Variants in PPARGC1A observed in about 807,000 individuals in gnomAD.
The protein encoded by PPARGC1A is peroxisome proliferator-activated receptor gamma coactivator 1-alpha.
PPARGC1A carries 25 observed loss-of-function variants against 88.7 expected under a neutral mutation model. That is an observed-to-expected ratio of 0.28 (90% confidence interval 0.21 to 0.39). The LOEUF is 0.39. Ranked by LOEUF, PPARGC1A falls within the 10% of genes least tolerant of loss-of-function variation. The pLI is 1.00. For missense variants in PPARGC1A, 880 were observed against 968.7 expected (o/e 0.91, Z 1.22); for synonymous variants, 363 against 355.6 (o/e 1.02, Z -0.24).
At chr4:23,866,680 T>G (rs949082139) in intron 2 of PPARGC1A, among the ~76,000 whole-genome samples, 9 of 152,170 alleles carry the variant, frequency 5.9e-5, no homozygotes, top group Admixed American at 1.3e-4. Context: ...TAGCAGGCAC[T>G]AGAGAATTAT....
At chr4:24,158,631 A>C in the PPARGC1A span, among the ~76,000 whole-genome samples, 1 of 152,214 alleles carries the variant, frequency 6.6e-6, no homozygotes, top group Non-Finnish European at 1.5e-5. Context: ...GACACTGACC[A>C]ATTCCTCATT....
the PPARGC1A span, among the ~76,000 whole-genome samples, chr4:23,951,985 C>T: frequency 6.6e-6 from 1 of 152,146 alleles, no homozygotes; most frequent in African/African-American, 2.4e-5. Flanking sequence ...TCATTTCCTC[C>T]CACTTCCCCA....
chr4:24,258,794 G>A, the PPARGC1A span, among the ~76,000 whole-genome samples: 2 of 150,758 alleles, frequency 1.3e-5, no homozygotes, highest in Non-Finnish European at 3.0e-5. Context: ...ATTTTTAGAA[G>A]GGTGTATTTT....
the PPARGC1A span, among the ~76,000 whole-genome samples, chr4:24,386,644 T>G: frequency 6.6e-6 from 1 of 152,072 alleles, no homozygotes; most frequent in South Asian, 2.1e-4. Context: ...CATTCACAAT[T>G]GCTACAAAGA....
chr4:23,831,318 T>TAC (rs1724957447), intron 3 of PPARGC1A, among the ~76,000 whole-genome samples: 1 of 152,032 alleles, frequency 6.6e-6, no homozygotes, highest in South Asian at 2.1e-4. Context: ...GATAGAAAAA[T>TAC]ACACACACAT....
At chr4:24,183,500 G>C in the PPARGC1A span, among the ~76,000 whole-genome samples, 1 of 152,198 alleles carries the variant, frequency 6.6e-6, no homozygotes, top group Non-Finnish European at 1.5e-5. Context: ...ATCAAAGTTA[G>C]GAAGTTTCTT....
At chr4:23,978,661 T>C in the PPARGC1A span, among the ~76,000 whole-genome samples, 1 of 152,186 alleles carries the variant, frequency 6.6e-6, no homozygotes, top group Admixed American at 6.5e-5. Flanking sequence ...ACCCTGCCAC[T>C]TCATTTCTGG....
the PPARGC1A span, among the ~76,000 whole-genome samples, chr4:23,970,990 G>A: frequency 6.6e-6 from 1 of 152,092 alleles, no homozygotes; most frequent in Non-Finnish European, 1.5e-5. Flanking sequence ...ACACTTTCAT[G>A]CTGGCTACCT....
the PPARGC1A span, among the ~76,000 whole-genome samples, chr4:24,080,031 A>G: frequency 6.6e-6 from 1 of 151,928 alleles, no homozygotes. Context: ...CTCTCATTAT[A>G]TTTATTATTC....
the PPARGC1A span, among the ~76,000 whole-genome samples, chr4:24,437,831 TC>T: frequency 6.6e-6 from 1 of 151,866 alleles, no homozygotes; most frequent in Non-Finnish European, 1.5e-5. Flanking sequence ...TTTTTTTGTT[TC>T]TTTTGGTTTT....
chr4:24,215,312 G>A, the PPARGC1A span, among the ~76,000 whole-genome samples: 3 of 152,210 alleles, frequency 2.0e-5, no homozygotes, highest in South Asian at 2.1e-4. Context: ...GCACACTTGC[G>A]TGGGATATGT....
the PPARGC1A span, among the ~76,000 whole-genome samples, chr4:24,437,598 TTG>T: frequency 8.0e-4 from 32 of 39,844 alleles, no homozygotes; most frequent in African/African-American, 2.3e-3. Context: ...AGGTTTTTTG[TTG>T]TTGTTGTTGT....
At chr4:24,189,906 T>A in the PPARGC1A span, among the ~76,000 whole-genome samples, 15 of 152,054 alleles carry the variant, frequency 9.9e-5, no homozygotes, top group Admixed American at 9.8e-4. Context: ...GGCATCCTCC[T>A]CCCAAGCACA....
the PPARGC1A span, among the ~76,000 whole-genome samples, chr4:24,073,259 G>T: frequency 7.9e-5 from 12 of 152,018 alleles, no homozygotes; most frequent in South Asian, 2.1e-4. Flanking sequence ...GACCAGGATG[G>T]TCTCCATCTC....
chr4:24,096,990 A>T, the PPARGC1A span, among the ~76,000 whole-genome samples: 2 of 152,218 alleles, frequency 1.3e-5, no homozygotes, highest in African/African-American at 4.8e-5. Context: ...GTGCTTTGGG[A>T]GGCTGATGTG....
the PPARGC1A span, among the ~76,000 whole-genome samples, chr4:23,988,600 T>C: frequency 6.6e-6 from 1 of 150,512 alleles, no homozygotes; most frequent in Admixed American, 6.7e-5. Flanking sequence ...TGAAGATTAA[T>C]TAAATTATAT....
At chr4:23,940,119 G>A in the PPARGC1A span, among the ~76,000 whole-genome samples, 8 of 152,146 alleles carry the variant, frequency 5.3e-5, no homozygotes, top group Non-Finnish European at 1.0e-4. Context: ...ATCAGAACCA[G>A]TCTGGGTCTT....
the PPARGC1A span, among the ~76,000 whole-genome samples, chr4:23,937,959 A>G: frequency 6.6e-6 from 1 of 152,266 alleles, no homozygotes; most frequent in South Asian, 2.1e-4. Context: ...TCTCAATAGG[A>G]CTTTGCAAAG....
chr4:24,326,205 T>G, the PPARGC1A span, among the ~76,000 whole-genome samples: 4 of 152,024 alleles, frequency 2.6e-5, no homozygotes, highest in Non-Finnish European at 5.9e-5. Context: ...CAATATCCCA[T>G]CCCACAGCAT....
Sources: allele counts gnomAD v4.1 joint callset (sites outside exome capture counted in the v4.1 genomes callset), GRCh38; gene constraint gnomAD v4.1.1; transcripts MANE v1.5; gene names NCBI Gene and HGNC (gene_info 2026-07-23, HGNC 2026-07-21).